BCR: variants seen among roughly 807,000 people sequenced by gnomAD.
The protein encoded by BCR is breakpoint cluster region protein.
BCR carries 58 observed loss-of-function variants against 138.6 expected under a neutral mutation model. That is an observed-to-expected ratio of 0.42 (90% CI 0.34 to 0.52). BCR has a LOEUF of 0.52. Among genes scored for constraint, BCR ranks in the 20% least tolerant of loss-of-function variants. The probability of loss-of-function intolerance (pLI) is 0.06; values close to 1 mark genes in which losing one functional copy is unlikely to be tolerated. For synonymous variants in BCR, 786 were observed against 730.1 expected (o/e 1.08, Z -1.23); for missense variants, 1,599 against 1,727.2 (o/e 0.93, Z 1.32).
chr22:23,265,419 C>T (rs540891260), intron 4 of BCR, among the ~76,000 whole-genome samples: 2 of 152,300 alleles, frequency 1.3e-5, no homozygotes, highest in East Asian at 1.9e-4. Context: ...GTCAGGTTTC[C>T]GGGTTGGACA....
chr22:23,240,788 C>T (rs1024733680), intron 1 of BCR, among the ~76,000 whole-genome samples: 7 of 152,150 alleles, frequency 4.6e-5, no homozygotes, highest in Admixed American at 3.9e-4. Flanking sequence ...ATCTCCAGAA[C>T]TTTTTCATAT....
intron 8 of BCR, among the ~76,000 whole-genome samples, chr22:23,275,845 G>A (rs1038112003): frequency 6.6e-6 from 1 of 152,286 alleles, no homozygotes; most frequent in South Asian, 2.1e-4. Context: ...GAGTGTGGGC[G>A]TCCTTTTTCC....
intron 1 of BCR, among the ~76,000 whole-genome samples, chr22:23,245,955 C>A (rs1054573323): frequency 3.9e-5 from 6 of 152,212 alleles, no homozygotes; most frequent in African/African-American, 1.4e-4. Context: ...CAGAAGGAAA[C>A]CCCTGCCCAT....
rs2227939 is a variant in BCR, at chr22:23,289,614, T to C, written c.2700T>C (p.Asn900=). The part of the protein sequence containing the change: ...QTVHSIPLTI[N]KEDDESPGLY... ...TCCACAGCATTCCGCTGACCATCAA[T>C]AAGGAAGGTGGGCCCCCCCGTTTCC... Residue 900 remains asparagine, a synonymous_variant, in exon 13 of 23, where the codon AAT becomes AAC. Coordinates refer to ENST00000305877, the MANE Select transcript of BCR (RefSeq NM_004327.4). The C allele has an allele frequency of 0.29, 467,766 of 1,612,806 alleles. 72,629 individuals are homozygous for C. Among genetic ancestry groups the C allele is most frequent in the African/African-American group, 0.53 (39,427 of 74,906 alleles).
intron 1 of BCR, among the ~76,000 whole-genome samples, chr22:23,198,870 A>G (rs1173936975): frequency 6.6e-6 from 1 of 152,156 alleles, no homozygotes; most frequent in East Asian, 1.9e-4. Flanking sequence ...CTGTAATCCC[A>G]GCACTTTGGG....
At chr22:23,263,424 T>A in intron 4 of BCR, 1 of 1,318,390 alleles carries the variant, frequency 7.6e-7, no homozygotes, top group Non-Finnish European at 1.1e-6. Flanking sequence ...GTCTCAGAAC[T>A]GGATAGTGGG....
rs756493219 is a variant in BCR at position 23,268,415 on chromosome 22, A to G, written c.1760A>G (p.Gln587Arg). ...VGDLFQKLAS[Q>R]LGVYRAFVDN... ...TTCCTTCCTCCCCCTCAGGCCAGCC[A>G]GCTGGGTGTGTACCGGGCCTTCGTG... Residue 587 changes from glutamine to arginine, a missense_variant, in exon 5 of 23, where the codon CAG becomes CGG. This residue lies in a region of BCR where 590 missense variants were observed against 762.4 expected (regional missense o/e 0.77). Coordinates refer to ENST00000305877, the MANE Select transcript of BCR (RefSeq NM_004327.4). 1.9e-6 allele frequency: 3 copies of G among 1,611,098 alleles called. No individual in the cohort carries two copies. Among genetic ancestry groups the G allele is most frequent in the Non-Finnish European group, 2.5e-6 (3 of 1,178,518 alleles).
At chr22:23,217,887 G>T (rs571705341) in intron 1 of BCR, among the ~76,000 whole-genome samples, 2 of 152,198 alleles carry the variant, frequency 1.3e-5, no homozygotes, top group Non-Finnish European at 1.5e-5. Flanking sequence ...CCGCCTGCTC[G>T]GACAGGAAAG....
intron 5 of BCR, among the ~76,000 whole-genome samples, chr22:23,270,562 G>A (rs1602087523): frequency 2.0e-5 from 3 of 152,304 alleles, no homozygotes; most frequent in Admixed American, 2.0e-4. Flanking sequence ...CAGAAGAACA[G>A]TCACTGCGAG....
chr22:23,291,423 G>T (rs1349587901), intron 14 of BCR, among the ~76,000 whole-genome samples: 1 of 151,966 alleles, frequency 6.6e-6, no homozygotes, highest in Non-Finnish European at 1.5e-5. Flanking sequence ...TGGAATGGAT[G>T]AATTACATGA....
At chr22:23,267,098 C>T (rs1440029869) in intron 4 of BCR, among the ~76,000 whole-genome samples, 3 of 152,144 alleles carry the variant, frequency 2.0e-5, no homozygotes, top group African/African-American at 7.2e-5. Context: ...AGGCACTGTC[C>T]TGTTAGAACA....
chr22:23,271,453 T>C, intron 5 of BCR, 79 bp from the exon 6 acceptor site: 1 of 1,446,516 alleles, frequency 6.9e-7, no homozygotes, highest in Admixed American at 1.7e-5. Context: ...AAAGCTGAAA[T>C]TGTTGCCAAA....
intron 1 of BCR, among the ~76,000 whole-genome samples, chr22:23,253,036 C>A (rs1404247161): frequency 6.6e-6 from 1 of 152,176 alleles, no homozygotes; most frequent in African/African-American, 2.4e-5. Context: ...CCTACAGCCC[C>A]CTCCTTGAGT....
intron 1 of BCR, among the ~76,000 whole-genome samples, chr22:23,209,554 A>AT (rs2146217862): frequency 6.6e-6 from 1 of 150,782 alleles, no homozygotes; most frequent in South Asian, 2.1e-4. Context: ...TTTTTATTTT[A>AT]TTTTTTTGAG....
chr22:23,300,070 T>C (rs1383826971), intron 16 of BCR, among the ~76,000 whole-genome samples: 1 of 152,184 alleles, frequency 6.6e-6, no homozygotes, highest in Non-Finnish European at 1.5e-5. Context: ...TGCAGTTCAG[T>C]GGCATCAGGC....
intron 2 of BCR, among the ~76,000 whole-genome samples, chr22:23,256,215 T>C (rs542925974): frequency 1.2e-4 from 18 of 152,272 alleles, no homozygotes; most frequent in African/African-American, 4.3e-4. Context: ...CAGTGGGAAA[T>C]GGGCATCAGG....
In BCR at chr22:23,272,778, GGTGGGTTCCCTGACCTCA is replaced by G. The variant is rs537434754; in HGVS notation, c.1922-301_1922-284del. Among the ~76,000 whole-genome samples, 4 of 152,270 alleles carry G rather than the reference GGTGGGTTCCCTGACCTCA, an allele frequency of 2.6e-5. No individual in the cohort carries two copies. In the East Asian group the frequency reaches 7.7e-4, roughly 29 times the overall value. ...GCCCACCCCAGCCCGTCCTTGCCAG[GGTGGGTTCCCTGACCTCA>G]GGCTAGAGGAGCAGCAGTGCTGAGC... On this transcript the variant is annotated intron_variant, in intron 6 of 22. Coordinates refer to ENST00000305877, the MANE Select transcript of BCR (RefSeq NM_004327.4).
intron 1 of BCR, among the ~76,000 whole-genome samples, chr22:23,192,616 T>C (rs1242979347): frequency 6.6e-6 from 1 of 152,224 alleles, no homozygotes; most frequent in Admixed American, 6.5e-5. Flanking sequence ...AAGATAGGGA[T>C]TTCCTGACTC....
rs2073283632 is a variant in BCR at position 23,255,558 on chromosome 22, A to G, written c.1461+1578A>G. On this transcript the variant is annotated intron_variant, in intron 2 of 22. Transcript: ENST00000305877. ...GTAGGCTAAGTGCTGAACTTGAGAA[A>G]GGCAATTTCTTTCCATCATTCTTGA... Among the ~76,000 whole-genome samples, 3 of 152,222 alleles carry G rather than the reference A, an allele frequency of 2.0e-5. No individual in the cohort carries two copies. The South Asian group carries it at 6.2e-4, about 31-fold the overall frequency.
Sources: allele counts gnomAD v4.1 joint callset (sites outside exome capture counted in the v4.1 genomes callset), GRCh38; gene constraint gnomAD v4.1.1; regional missense constraint gnomAD v4.1.1; transcripts MANE v1.5; gene names NCBI Gene and HGNC (gene_info 2026-07-23, HGNC 2026-07-21).